The following NAALADL2 variants were observed in gnomAD, a reference collection of about 807,000 sequenced individuals.
NAALADL2 encodes the protein inactive N-acetylated-alpha-linked acidic dipeptidase-like protein 2.
In NAALADL2, 76 loss-of-function variants were observed where a neutral mutation model predicts 87.2. The ratio of observed to expected loss-of-function variants is 0.87; its 90% CI spans 0.72 to 1.05. The LOEUF is 1.05. Among genes scored for constraint, NAALADL2 ranks in the 50% least tolerant of loss-of-function variants. The pLI is 0.00. For synonymous variants in NAALADL2, 354 were observed against 331.0 expected (o/e 1.07, Z -0.75); for missense variants, 1,089 against 945.8 (o/e 1.15, Z -1.99).
intron 3 of NAALADL2, among the ~76,000 whole-genome samples, chr3:174,790,912 T>C (rs184387964): frequency 5.5e-4 from 84 of 152,276 alleles, no homozygotes; most frequent in Middle Eastern, 3.4e-3. Flanking sequence ...ACAATTTACA[T>C]AGAAACAAAA....
intron 11 of NAALADL2, among the ~76,000 whole-genome samples, chr3:175,637,153 T>C (rs957978164): frequency 2.6e-5 from 4 of 152,256 alleles, no homozygotes; most frequent in Non-Finnish European, 5.9e-5. Context: ...CTATGCACTT[T>C]AAATATTCTT....
chr3:174,534,029 TTATA>T (rs982083090), intron 1 of NAALADL2, among the ~76,000 whole-genome samples: 4 of 152,152 alleles, frequency 2.6e-5, no homozygotes, highest in Admixed American at 6.6e-5. Context: ...ATGCACATAT[TTATA>T]TATGTGGGAG....
At chr3:174,699,332 C>G (rs1330624464) in intron 2 of NAALADL2, among the ~76,000 whole-genome samples, 1 of 152,052 alleles carries the variant, frequency 6.6e-6, no homozygotes, top group Non-Finnish European at 1.5e-5. Context: ...CTCGTCTCTA[C>G]TAAAACAAAA....
At chr3:175,162,030 C>A (rs545733712) in intron 2 of NAALADL2, among the ~76,000 whole-genome samples, 1 of 152,226 alleles carries the variant, frequency 6.6e-6, no homozygotes, top group Admixed American at 6.5e-5. Context: ...TGGAATTTCA[C>A]CTTGTAATCT....
chr3:174,810,042 C>T (rs1446763439), intron 3 of NAALADL2, among the ~76,000 whole-genome samples: 1 of 152,174 alleles, frequency 6.6e-6, no homozygotes, highest in Non-Finnish European at 1.5e-5. Flanking sequence ...GAGGCCTCCT[C>T]AGAAGCAGAT....
intron 4 of NAALADL2, among the ~76,000 whole-genome samples, chr3:175,309,988 T>G (rs1439122874): frequency 6.6e-6 from 1 of 152,196 alleles, no homozygotes; most frequent in Non-Finnish European, 1.5e-5. Context: ...CTAATGTTGC[T>G]GGCAGGCCAA....
chr3:175,263,452 T>G (rs563024224), intron 4 of NAALADL2, among the ~76,000 whole-genome samples: 1 of 152,048 alleles, frequency 6.6e-6, no homozygotes, highest in African/African-American at 2.4e-5. Flanking sequence ...CTGTCAAGAA[T>G]TGAATGCATA....
At chr3:175,099,979 CATATT>C (rs1180456694) in intron 2 of NAALADL2, among the ~76,000 whole-genome samples, 8 of 150,848 alleles carry the variant, frequency 5.3e-5, no homozygotes, top group East Asian at 1.9e-4. Flanking sequence ...TTAGATTTTT[CATATT>C]ATATTACAAT....
At chr3:175,561,155 G>T (rs572002401) in intron 9 of NAALADL2, among the ~76,000 whole-genome samples, 1 of 152,242 alleles carries the variant, frequency 6.6e-6, no homozygotes, top group Non-Finnish European at 1.5e-5. Context: ...AGTTATTGGA[G>T]CATTGGTTCT....
chr3:175,786,172 A>G (rs1751923476), intron 13 of NAALADL2, among the ~76,000 whole-genome samples: 1 of 151,428 alleles, frequency 6.6e-6, no homozygotes, highest in Non-Finnish European at 1.5e-5. Context: ...TCTGACAATT[A>G]TGTGTCTTGG....
chr3:174,517,023 G>A (rs575274851), intron 1 of NAALADL2, among the ~76,000 whole-genome samples: 324 of 151,922 alleles, frequency 2.1e-3, no homozygotes, highest in Non-Finnish European at 4.2e-3. Context: ...AATAAATTGC[G>A]AAAAGCTCCC....
intron 1 of NAALADL2, among the ~76,000 whole-genome samples, chr3:174,912,906 T>G (rs1733889877): frequency 6.6e-6 from 1 of 152,164 alleles, no homozygotes; most frequent in African/African-American, 2.4e-5. Flanking sequence ...AAACTAGTCA[T>G]TATGTTTGCT....
chr3:175,193,562 C>A (rs1306830024), intron 2 of NAALADL2, among the ~76,000 whole-genome samples: 1 of 151,818 alleles, frequency 6.6e-6, no homozygotes, highest in Non-Finnish European at 1.5e-5. Context: ...TCACCTTTTT[C>A]TCTCTTCTCT....
At chr3:174,859,599 T>A (rs1480412154) in intron 1 of NAALADL2, 149 bp downstream of exon 1, 5 of 631,616 alleles carry the variant, frequency 7.9e-6, no homozygotes, top group African/African-American at 3.7e-5. Flanking sequence ...AGGTGTTTTC[T>A]GCGAGCGAGA....
At position 174,974,114 on chromosome 3, in the gene NAALADL2, C is replaced by A. The variant is rs1744053096; in HGVS notation, c.43+114664C>A. Among the ~76,000 whole-genome samples, 3 of 152,150 alleles carry A rather than the reference C, an allele frequency of 2.0e-5. No individual in the cohort carries two copies. In the South Asian group the frequency reaches 6.2e-4, roughly 32 times the overall value. On this transcript the variant is annotated intron_variant, in intron 1 of 13. Transcript: ENST00000454872. ...CTTTGCTGAAGCATTGCTTTAAGAG[C>A]ATAGCAATAACTATTGAATTTCATG...
At chr3:175,420,715 G>A (rs914152336) in intron 5 of NAALADL2, among the ~76,000 whole-genome samples, 1 of 151,944 alleles carries the variant, frequency 6.6e-6, no homozygotes, top group Non-Finnish European at 1.5e-5. Flanking sequence ...TTCTCAAACA[G>A]CTCATTAAGT....
intron 1 of NAALADL2, among the ~76,000 whole-genome samples, chr3:174,446,454 G>A (rs56050034): frequency 0.016 from 2,471 of 152,090 alleles, 40 homozygotes; most frequent in Non-Finnish European, 0.023. Flanking sequence ...TATTATATTG[G>A]TCAAACCTTA....
chr3:175,178,961 A>C (rs2861994), intron 2 of NAALADL2, among the ~76,000 whole-genome samples: 110,386 of 151,834 alleles, frequency 0.73, 40,679 homozygotes, highest in Non-Finnish European at 0.8. Context: ...TAAGTGATTG[A>C]AAAGAATTGT....
chr3:174,882,589 G>A (rs1411435802), intron 1 of NAALADL2, among the ~76,000 whole-genome samples: 3 of 147,808 alleles, frequency 2.0e-5, no homozygotes, highest in African/African-American at 5.0e-5. Flanking sequence ...ATACACATAT[G>A]TGTATATACA....
Sources: gnomAD v4.1 joint callset for allele counts (sites outside exome capture counted in the v4.1 genomes callset) on GRCh38, gnomAD v4.1.1 for gene constraint, MANE v1.5 for transcripts, NCBI Gene and HGNC (gene_info 2026-07-23, HGNC 2026-07-21) for gene names.